CD6: variants seen among roughly 807,000 people sequenced by gnomAD.
The protein encoded by CD6 is CD6 molecule, also known as T-cell differentiation antigen CD6.
Under a neutral mutation model 75.3 loss-of-function variants are expected in CD6, and 53 were observed. The ratio of observed to expected loss-of-function variants is 0.70; its 90% confidence interval spans 0.56 to 0.88. The LOEUF is 0.88. Ranked by LOEUF, CD6 falls within the 40% of genes least tolerant of loss-of-function variation. The pLI is 0.00. For synonymous variants in CD6, 359 were observed against 381.5 expected (o/e 0.94, Z 0.69); for missense variants, 770 against 897.1 (o/e 0.86, Z 1.81).
At position 61,008,828 on chromosome 11, in the gene CD6, C is replaced by A; in HGVS notation, c.764C>A (p.Ala255Glu). 1.3e-6 allele frequency: 2 copies of A among 1,554,248 alleles called. No individual in the cohort carries two copies. The highest frequency in any genetic ancestry group is 1.2e-5 in the South Asian group (1 of 82,268). ...CACTACTGCGGCCACAAAGAGGACGCGGGCGCGGTGTGCTCAGGTCAGTGG... is the reference window on the plus strand; with the variant it reads ...CACTACTGCGGCCACAAAGAGGACGAGGGCGCGGTGTGCTCAGGTCAGTGG... Reference protein sequence around the residue: ...GQHYCGHKEDAGAVCSEHQSW... With the variant: ...GQHYCGHKEDEGAVCSEHQSW... The change falls in exon 4 of 13, where the codon GCG (alanine) becomes GAG (glutamate). Residue 255 changes from alanine (A) to glutamate (E), a missense_variant. Coordinates refer to ENST00000313421, the MANE Select transcript of CD6 (RefSeq NM_006725.5).
intron 5 of CD6, among the ~76,000 whole-genome samples, chr11:61,010,464 T>G (rs1291524835): frequency 6.6e-6 from 1 of 152,120 alleles, no homozygotes; most frequent in Non-Finnish European, 1.5e-5. Context: ...CGTGTTAAAG[T>G]TTGAAAAAAC....
In CD6 at chr11:61,008,833, G is replaced by T. The variant is rs760158878; in HGVS notation, c.769G>T (p.Ala257Ser). 9.0e-6 allele frequency: 14 copies of T among 1,551,572 alleles called. No individual in the cohort carries two copies. The highest frequency in any genetic ancestry group is 1.2e-5 in the Non-Finnish European group (14 of 1,146,132). Reference sequence around the variant, plus strand: ...CTGCGGCCACAAAGAGGACGCGGGCGCGGTGTGCTCAGGTCAGTGGGCGGA... The same window carrying T: ...CTGCGGCCACAAAGAGGACGCGGGCTCGGTGTGCTCAGGTCAGTGGGCGGA... ...HYCGHKEDAG[A>S]VCSEHQSWRL... is the part of the protein sequence containing the mutation. Residue 257 changes from alanine to serine, a missense_variant, in exon 4 of 13, where the codon GCG becomes TCG. Coordinates refer to ENST00000313421, the MANE Select transcript of CD6 (RefSeq NM_006725.5).
At chr11:60,986,244 C>T (rs578215795) in intron 1 of CD6, among the ~76,000 whole-genome samples, 57 of 152,370 alleles carry the variant, frequency 3.7e-4, no homozygotes, top group African/African-American at 1.4e-3. Context: ...AGCACCTTCA[C>T]ACAACCCGGC....
intron 1 of CD6, among the ~76,000 whole-genome samples, chr11:60,986,808 C>T (rs1857836768): frequency 1.3e-5 from 2 of 152,268 alleles, no homozygotes; most frequent in Admixed American, 6.5e-5. Context: ...GTTGCTGCAA[C>T]AAACTGAGTG....
At chr11:60,988,045 A>G (rs12418914) in intron 1 of CD6, 20,042 of 152,310 alleles carry the variant, frequency 0.13, 1,811 homozygotes, top group Middle Eastern at 0.22. Flanking sequence ...ACTTGTGAAG[A>G]GGAGTAGGGG....
At chr11:61,008,902 T>G (rs992211396) in intron 4 of CD6, 57 bp downstream of exon 4, 18 of 1,408,334 alleles carry the variant, frequency 1.3e-5, no homozygotes, top group Non-Finnish European at 1.7e-5. Flanking sequence ...ATAGGCCTAC[T>G]GGGCGCCAAG....
chr11:60,991,863 T>C (rs1233299176), intron 1 of CD6, among the ~76,000 whole-genome samples: 2 of 137,864 alleles, frequency 1.5e-5, no homozygotes, highest in African/African-American at 2.5e-5. Flanking sequence ...TATCTATATA[T>C]ATGTATATAT....
chr11:61,019,514 T>C lies in CD6; in HGVS notation c.*196T>C, dbSNP rs1590734321. 1 of 444,352 alleles carries C rather than the reference T, an allele frequency of 2.3e-6. No individual in the cohort carries two copies. Among genetic ancestry groups the C allele is most frequent in the Non-Finnish European group, 4.0e-6 (1 of 251,014 alleles). The allele number at this position is 444,352 out of a possible 1,614,324, so 27.5% of individuals were successfully genotyped here. ...CAAGCCAAACCTGCTGCCACAGCCC[T>C]CCCCCGGCCCCAGATAGCAGCCCCA... is the stretch of plus-strand genomic sequence containing the variant. On this transcript the variant is annotated 3_prime_UTR_variant, in exon 13 of 13. Coordinates refer to ENST00000313421, the MANE Select transcript of CD6 (RefSeq NM_006725.5).
At position 61,017,512 on chromosome 11, in the gene CD6, T is replaced by C. The variant is rs2134506484; in HGVS notation, c.1544T>C (p.Val515Ala). ...SQRHRVTDEE[V>A]QQSRFQMPPL... ...CGGCATCGGGTCACAGATGAGGAGG[T>C]CCAGCAAAGCAGGTTCCAGATGCCA... Residue 515 changes from valine (V) to alanine (A), a missense_variant, in exon 10 of 13, where the codon GTC (valine) becomes GCC (alanine). By Grantham distance (64) the Val-to-Ala change is moderately conservative (BLOSUM62 0). Transcript: ENST00000313421. 6.5e-7 allele frequency: 1 copy of C among 1,550,212 alleles called. No homozygotes were observed. Among genetic ancestry groups the C allele is most frequent in the East Asian group, 2.4e-5 (1 of 40,942 alleles).
intron 4 of CD6, 91 bp from the exon 5 acceptor site, chr11:61,009,481 G>C: frequency 1.7e-6 from 2 of 1,158,436 alleles, no homozygotes; most frequent in Non-Finnish European, 2.4e-6. Flanking sequence ...CCAAATGGCT[G>C]CATTGGTGCC....
rs367808352 is a variant in CD6, at chr11:60,971,966, G to A, written c.49+52G>A. ...CACTGGTGCTGGAGGAGCCGGGTCC[G>A]GCCCTCTCAGTCCCCTTTCTGGTTG... On this transcript the variant is annotated intron_variant, in intron 1 of 12. Coordinates refer to ENST00000313421, the MANE Select transcript of CD6 (RefSeq NM_006725.5). 182 of 1,565,210 alleles carry A rather than the reference G, an allele frequency of 1.2e-4. 1 individual carries two copies. In the African/African-American group the frequency reaches 1.7e-3, roughly 15 times the overall value.
chr11:60,978,994 T>C (rs1482825025), intron 1 of CD6, among the ~76,000 whole-genome samples: 1 of 152,252 alleles, frequency 6.6e-6, no homozygotes, highest in Non-Finnish European at 1.5e-5. Context: ...AACATAGTGC[T>C]GTTTGCACAA....
intron 1 of CD6, chr11:60,982,543 C>T (rs1000947916): frequency 8.8e-6 from 4 of 455,414 alleles, no homozygotes; most frequent in African/African-American, 8.0e-5. Context: ...GAGGAAGCCC[C>T]CCAGGCCTGG....
chr11:60,972,047 G>C, intron 1 of CD6, 133 bp downstream of exon 1: 1 of 909,116 alleles, frequency 1.1e-6, no homozygotes, highest in Non-Finnish European at 1.7e-6. Flanking sequence ...TCAGGTACCA[G>C]GGAGGTCCAG....
chr11:61,014,477 G>A (rs1859308233), intron 8 of CD6, among the ~76,000 whole-genome samples: 1 of 152,210 alleles, frequency 6.6e-6, no homozygotes, highest in Non-Finnish European at 1.5e-5. Context: ...GCTCACGCCT[G>A]TAATCCCAGC....
At chr11:60,991,149 CTTTTT>C (rs58123378) in intron 1 of CD6, among the ~76,000 whole-genome samples, 1 of 114,714 alleles carries the variant, frequency 8.7e-6, no homozygotes, top group Non-Finnish European at 1.7e-5. Flanking sequence ...CTTTTTCTTT[CTTTTT>C]TTTTTTTTTT....
chr11:61,018,160 C>T (rs1364295374), intron 11 of CD6, 129 bp from the exon 12 acceptor site: 1 of 1,286,854 alleles, frequency 7.8e-7, no homozygotes, highest in Non-Finnish European at 1.1e-6. Flanking sequence ...TCTCCCATCT[C>T]TGGGCCTTCA....
chr11:60,996,625 G>A (rs1457299491), intron 1 of CD6, among the ~76,000 whole-genome samples: 2 of 152,208 alleles, frequency 1.3e-5, no homozygotes, highest in South Asian at 2.1e-4. Context: ...CAAGATGCAC[G>A]GTGGTCTGCA....
At chr11:61,013,367 G>C in intron 6 of CD6, 56 bp from the exon 7 acceptor site, 3 of 1,595,880 alleles carry the variant, frequency 1.9e-6, no homozygotes, top group Non-Finnish European at 2.6e-6. Context: ...GGAAAGGCAA[G>C]AAGAAGGGTG....
Sources: gnomAD v4.1 joint callset for allele counts (sites outside exome capture counted in the v4.1 genomes callset) on GRCh38, gnomAD v4.1.1 for gene constraint, MANE v1.5 for transcripts, NCBI Gene and HGNC (gene_info 2026-07-23, HGNC 2026-07-21) for gene names.